The following HPS4 variants were observed in gnomAD, a reference collection of about 807,000 sequenced individuals.
HPS4 encodes BLOC-3 complex member HPS4.
Under a neutral mutation model 70.3 loss-of-function variants are expected in HPS4, and 44 were observed. That is an observed-to-expected ratio of 0.63 (90% confidence interval 0.49 to 0.80). The LOEUF is 0.80. HPS4 is among the 30% of genes least tolerant of loss of function. The pLI, the probability that HPS4 is intolerant of heterozygous loss-of-function variation, is 0.00. For synonymous variants in HPS4, 377 were observed against 355.9 expected (o/e 1.06, Z -0.67); for missense variants, 873 against 884.4 (o/e 0.99, Z 0.16).
At chr22:26,465,645 C>T (rs563685515) in intron 9 of HPS4, 94 bp from the exon 10 acceptor site, 18 of 1,033,522 alleles carry the variant, frequency 1.7e-5, no homozygotes, top group East Asian at 4.8e-5. Flanking sequence ...CCAACCCACA[C>T]GTGGGCTCGG....
At chr22:26,466,529 AT>A in intron 8 of HPS4, 1 of 572,696 alleles carries the variant, frequency 1.7e-6, no homozygotes, top group Non-Finnish European at 3.1e-6. Flanking sequence ...CTACGTTCTG[AT>A]TTTCTCAGTC....
At chr22:26,481,698 G>C in intron 2 of HPS4, 24 bp downstream of exon 2, 2 of 1,612,352 alleles carry the variant, frequency 1.2e-6, no homozygotes, top group African/African-American at 2.7e-5. Context: ...CAAAAGCTAT[G>C]CCATGGCAGG....
chr22:26,471,105 G>A (rs920983105), intron 6 of HPS4: 7 of 498,890 alleles, frequency 1.4e-5, no homozygotes, highest in Non-Finnish European at 2.2e-5. Flanking sequence ...AAAGTAGATG[G>A]CCTGGGAGAC....
intron 8 of HPS4, chr22:26,467,890 CTTATTT>C (rs1432979348): frequency 6.6e-6 from 1 of 151,830 alleles, no homozygotes; most frequent in Non-Finnish European, 1.5e-5. Context: ...GTTTGTTTTC[CTTATTT>C]TTTTATTTTT....
intron 9 of HPS4, 108 bp from the exon 10 acceptor site, chr22:26,465,659 G>C: frequency 1.1e-6 from 1 of 888,962 alleles, no homozygotes; most frequent in East Asian, 2.5e-5. Flanking sequence ...GGCTCGGAAA[G>C]GGGTGCTGTG....
chr22:26,467,645 A>T (rs749011846), intron 8 of HPS4: 5 of 152,236 alleles, frequency 3.3e-5, no homozygotes, highest in Non-Finnish European at 7.3e-5. Flanking sequence ...GAGCCCTACC[A>T]GCATTTTACA....
intron 13 of HPS4, 33 bp from the exon 14 acceptor site, chr22:26,453,437 T>C: frequency 6.2e-7 from 1 of 1,610,814 alleles, no homozygotes; most frequent in Non-Finnish European, 8.5e-7. Flanking sequence ...AACGGTCCAA[T>C]GCTGCTGGTG....
chr22:26,483,382 T>C (rs985126533), intron 1 of HPS4, among the ~76,000 whole-genome samples: 1 of 152,060 alleles, frequency 6.6e-6, no homozygotes, highest in Non-Finnish European at 1.5e-5. Context: ...GAAGTAATAG[T>C]AACAACGCGG....
chr22:26,483,855 G>A (rs34019374), upstream of HPS4: 24,834 of 1,323,324 alleles, frequency 0.019, 299 homozygotes, highest in Non-Finnish European at 0.02. Flanking sequence ...GCGATGACGT[G>A]CCGAGTGCGC....
At chr22:26,462,931 G>C (rs566705131) in intron 11 of HPS4, among the ~76,000 whole-genome samples, 1 of 152,356 alleles carries the variant, frequency 6.6e-6, no homozygotes, top group East Asian at 1.9e-4. Flanking sequence ...TCTGTGCAAG[G>C]AAGCTGCTGT....
chr22:26,473,039 C>G, intron 4 of HPS4, 100 bp from the exon 5 acceptor site: 1 of 977,558 alleles, frequency 1.0e-6, no homozygotes, highest in Middle Eastern at 2.8e-4. Context: ...ACTTCACTGG[C>G]CCATCGAAAT....
downstream of HPS4, among the ~76,000 whole-genome samples, chr22:26,448,381 AC>A (rs2085025937): frequency 6.6e-6 from 1 of 152,214 alleles, no homozygotes; most frequent in Non-Finnish European, 1.5e-5. Context: ...TGCGATTTGA[AC>A]CCAGCTGTCT....
downstream of HPS4, among the ~76,000 whole-genome samples, chr22:26,447,806 G>A (rs574068442): frequency 3.9e-5 from 6 of 152,138 alleles, no homozygotes; most frequent in Non-Finnish European, 7.4e-5. Context: ...TTTACTTTCC[G>A]CCTCTTTCCC....
At chr22:26,462,583 C>A (rs1335112818) in intron 11 of HPS4, among the ~76,000 whole-genome samples, 2 of 152,214 alleles carry the variant, frequency 1.3e-5, no homozygotes, top group Admixed American at 6.5e-5. Context: ...TCTCAAAGAG[C>A]AGCCTGGGCT....
chr22:26,464,970 C>T, intron 10 of HPS4, 144 bp from the exon 11 acceptor site: 1 of 709,878 alleles, frequency 1.4e-6, no homozygotes, highest in Non-Finnish European at 2.3e-6. Context: ...AGAGTTAAAT[C>T]ACAAGAGTAA....
intron 4 of HPS4, chr22:26,476,775 C>T (rs1014750956): frequency 3.9e-5 from 21 of 543,190 alleles, no homozygotes; most frequent in Non-Finnish European, 6.3e-5. Context: ...AAGGAGAAAC[C>T]AGCTGTGTGC....
At chr22:26,454,893 C>T (rs2085818120) in intron 13 of HPS4, among the ~76,000 whole-genome samples, 1 of 151,800 alleles carries the variant, frequency 6.6e-6, no homozygotes, top group African/African-American at 2.4e-5. Context: ...AAGAAAAAAA[C>T]AAACAACCCC....
rs569708534 is a variant in HPS4, at chr22:26,472,488, C to T, written c.385-70G>A. 167 of 1,007,710 alleles carry T rather than the reference C, an allele frequency of 1.7e-4. 1 individual carries two copies. Among genetic ancestry groups the T allele is most frequent in the Admixed American group, 6.7e-5 (4 of 59,266 alleles). 62.4% of individuals were successfully genotyped at this position (1,007,710 alleles called of 1,614,324 possible). A position where few individuals can be genotyped will look rare whatever the true frequency, so the allele number is the denominator to read the frequency against. On this transcript the variant is annotated intron_variant, in intron 5 of 13. Coordinates refer to ENST00000398145, the MANE Select transcript of HPS4 (RefSeq NM_022081.6). ...ACAGATTCTTTGGCCAGAGTCCCAA[C>T]TACCTCAAAAATTGTTCCTCACACA...
downstream of HPS4, among the ~76,000 whole-genome samples, chr22:26,448,975 T>C (rs972756594): frequency 6.6e-6 from 1 of 152,166 alleles, no homozygotes; most frequent in Admixed American, 6.5e-5. Flanking sequence ...CCACTGCCCT[T>C]TTCCCAGGAG....
Sources: gnomAD v4.1 joint callset for allele counts (sites outside exome capture counted in the v4.1 genomes callset) on GRCh38, gnomAD v4.1.1 for gene constraint, MANE v1.5 for transcripts, NCBI Gene and HGNC (gene_info 2026-07-23, HGNC 2026-07-21) for gene names.